Variants in JAKMIP1 observed in about 807,000 individuals in gnomAD.
The protein encoded by JAKMIP1 is janus kinase and microtubule-interacting protein 1.
Under a neutral mutation model 113.0 loss-of-function variants are expected in JAKMIP1, and 33 were observed. The observed-to-expected ratio is 0.29, with a 90% CI of 0.22 to 0.39. The LOEUF is 0.39. Ranked by LOEUF, JAKMIP1 falls within the 10% of genes least tolerant of loss-of-function variation. The probability of loss-of-function intolerance (pLI) is 1.00; values close to 1 mark genes in which losing one functional copy is unlikely to be tolerated. For missense variants in JAKMIP1, 813 were observed against 1,080.5 expected (o/e 0.75, Z 3.47); for synonymous variants, 480 against 459.9 (o/e 1.04, Z -0.56).
At chr4:6,053,931 T>C in intron 13 of JAKMIP1, 119 bp downstream of exon 13, 3 of 1,547,412 alleles carry the variant, frequency 1.9e-6, no homozygotes, top group Non-Finnish European at 2.6e-6. Context: ...AGAAAGAAAC[T>C]ATAACATGTC....
At position 6,115,572 on chromosome 4, in the gene JAKMIP1, G is replaced by A. The variant is rs1715620111; in HGVS notation, c.-147-2575C>T. Among the ~76,000 whole-genome samples, 4 of 152,182 alleles carry A rather than the reference G, an allele frequency of 2.6e-5. No individual in the cohort carries two copies. The South Asian group carries it at 6.2e-4, about 24-fold the overall frequency. On this transcript the variant is annotated intron_variant, in intron 1 of 20. Coordinates refer to ENST00000409021, the MANE Select transcript of JAKMIP1 (RefSeq NM_001099433.2). ...ACGGTGGAAAGGACATAGCAGCCAC[G>A]CCCCCAGGATACTGACAGGGACCAC...
chr4:6,162,857 C>T lies in JAKMIP1; in HGVS notation c.-148+37396G>A, dbSNP rs1723133554. Among the ~76,000 whole-genome samples the T allele has an allele frequency of 6.6e-6, 1 of 152,216 alleles. No individual in the cohort carries two copies. Among genetic ancestry groups the T allele is most frequent in the Non-Finnish European group, 1.5e-5 (1 of 68,036 alleles). On this transcript the variant is annotated intron_variant, in intron 1 of 20. Coordinates refer to ENST00000409021, the MANE Select transcript of JAKMIP1 (RefSeq NM_001099433.2). This position sits in a 1 kb window ranked among gnomAD's most constrained non-coding sequence, Gnocchi z 5.6. ...ACTCTCTTGAATCCAAAGCCACTCA[C>T]TGCCACTCCCTCCCATCACCAAAGA... is the stretch of plus-strand genomic sequence containing the variant.
intron 19 of JAKMIP1, among the ~76,000 whole-genome samples, chr4:6,030,606 C>T (rs1055073021): frequency 6.6e-6 from 1 of 152,234 alleles, no homozygotes; most frequent in Non-Finnish European, 1.5e-5. Context: ...GTGGGTACCC[C>T]TGGGGCAACT....
chr4:6,041,434 T>C (rs1188264447), intron 17 of JAKMIP1, among the ~76,000 whole-genome samples: 1 of 152,126 alleles, frequency 6.6e-6, no homozygotes, highest in African/African-American at 2.4e-5. Context: ...GCCACACTAG[T>C]CCTTCCACCT....
chr4:6,060,572 G>T, intron 10 of JAKMIP1, 65 bp from the exon 11 acceptor site: 2 of 1,226,782 alleles, frequency 1.6e-6, no homozygotes, highest in Admixed American at 1.7e-5. Context: ...AGCGGAAAGC[G>T]TCATGCCCCA....
intron 3 of JAKMIP1, among the ~76,000 whole-genome samples, chr4:6,103,887 A>G (rs1713481089): frequency 6.6e-6 from 1 of 152,132 alleles, no homozygotes; most frequent in Admixed American, 6.6e-5. Context: ...CTTTATCAAT[A>G]TTGCTAAATG....
Position 6,069,337 on chromosome 4 carries a change from T to C in JAKMIP1, c.1303-4329A>G, listed in dbSNP as rs1355399133. 1.3e-5 allele frequency among the ~76,000 whole-genome samples: 2 copies of C among 152,270 alleles called. No homozygotes were observed. Among genetic ancestry groups the C allele is most frequent in the East Asian group, 3.8e-4 (2 of 5,202 alleles). On this transcript the variant is annotated intron_variant, in intron 8 of 20. Transcript: ENST00000409021. This position sits in a 1 kb window ranked among gnomAD's most constrained non-coding sequence, Gnocchi z 4.5. ...ATTAGGAGCAAAAATGTCCACCATT[T>C]GCTCATTCTGAGCCCATCTACTGAA...
rs1390499110 is a variant in JAKMIP1 at position 6,158,624 on chromosome 4, C to G, written c.-148+41629G>C. Among the ~76,000 whole-genome samples, 1 of 152,072 alleles carries G rather than the reference C, an allele frequency of 6.6e-6. No individual in the cohort carries two copies. Among genetic ancestry groups the G allele is most frequent in the Non-Finnish European group, 1.5e-5 (1 of 68,036 alleles). ...TAGGGCCATTTCTCCACCCCCCACC[C>G]CCACCAGCCCCAGCTAGTAGTCATC... On this transcript the variant is annotated intron_variant, in intron 1 of 20. Transcript: ENST00000409021. The surrounding 1 kb of genome is among the most constrained non-coding windows in gnomAD (Gnocchi z 5.3).
At chr4:6,107,232 A>G (rs930752402) in intron 2 of JAKMIP1, among the ~76,000 whole-genome samples, 1 of 152,288 alleles carries the variant, frequency 6.6e-6, no homozygotes, top group East Asian at 1.9e-4. Context: ...TATGGACAAA[A>G]TGGTTTTGAC....
At chr4:6,166,885 A>G (rs1249586880) in intron 1 of JAKMIP1, among the ~76,000 whole-genome samples, 1 of 152,060 alleles carries the variant, frequency 6.6e-6, no homozygotes. Context: ...GATATTCCAT[A>G]TAGCCACCTC....
At chr4:6,166,700 C>G (rs140655809) in intron 1 of JAKMIP1, among the ~76,000 whole-genome samples, 14 of 152,224 alleles carry the variant, frequency 9.2e-5, no homozygotes, top group African/African-American at 3.4e-4. Context: ...AAAGGTAGAA[C>G]GAGCAGCACC....
In JAKMIP1 at chr4:6,176,124, G is replaced by C. The variant is rs887586760; in HGVS notation, c.-148+24129C>G. ...CTCCCCTGGAGTAGTCAGAGATCTA[G>C]TGAGAAGAAGGGACTACAAATCTCT... On this transcript the variant is annotated intron_variant, in intron 1 of 20. Transcript: ENST00000409021. The surrounding 1 kb of genome is among the most constrained non-coding windows in gnomAD (Gnocchi z 5.5). Among the ~76,000 whole-genome samples the C allele has an allele frequency of 6.6e-6, 1 of 152,212 alleles. No individual in the cohort carries two copies. Among genetic ancestry groups the C allele is most frequent in the African/African-American group, 2.4e-5 (1 of 41,452 alleles).
In JAKMIP1 at chr4:6,067,289, G is replaced by T. The variant is rs914548165; in HGVS notation, c.1303-2281C>A. ...TCTATCCACAAACAGATTTTGTTTT[G>T]CACATGACACCATTTCCATTCATTC... On this transcript the variant is annotated intron_variant, in intron 8 of 20. Coordinates refer to ENST00000409021, the MANE Select transcript of JAKMIP1 (RefSeq NM_001099433.2). The surrounding 1 kb of genome is among the most constrained non-coding windows in gnomAD (Gnocchi z 4.6). Among the ~76,000 whole-genome samples the T allele has an allele frequency of 6.6e-6, 1 of 152,170 alleles. No individual in the cohort carries two copies. Among genetic ancestry groups the T allele is most frequent in the Non-Finnish European group, 1.5e-5 (1 of 68,032 alleles).
In JAKMIP1 at chr4:6,051,457, T is replaced by C. The variant is rs948798340; in HGVS notation, c.1807-778A>G. Among the ~76,000 whole-genome samples, 3 of 152,260 alleles carry C rather than the reference T, an allele frequency of 2.0e-5. No homozygotes were observed. The East Asian group carries it at 5.8e-4, about 29-fold the overall frequency. On this transcript the variant is annotated intron_variant, in intron 13 of 20. Coordinates refer to ENST00000409021, the MANE Select transcript of JAKMIP1 (RefSeq NM_001099433.2). This position sits in a 1 kb window ranked among gnomAD's most constrained non-coding sequence, Gnocchi z 5.0. ...TTCACCATGTTGGCCAGGCTGGTCTTGAACTCCAGAGACCTCAGGTGATCC... is the reference window on the plus strand; with the variant it reads ...TTCACCATGTTGGCCAGGCTGGTCTCGAACTCCAGAGACCTCAGGTGATCC...
Position 6,193,433 on chromosome 4 carries a change from C to T in JAKMIP1, c.-148+6820G>A, listed in dbSNP as rs1427543552. On this transcript the variant is annotated intron_variant, in intron 1 of 20. Coordinates refer to ENST00000409021, the MANE Select transcript of JAKMIP1 (RefSeq NM_001099433.2). The surrounding 1 kb of genome is among the most constrained non-coding windows in gnomAD (Gnocchi z 6.4). The stretch of plus-strand genomic sequence containing the variant: ...GATTAGTTCTGTCTCTCTAGAGAAC[C>T]CTGACTAATACAGACGTGAGGGATG... 2.0e-5 allele frequency among the ~76,000 whole-genome samples: 3 copies of T among 152,138 alleles called. No individual in the cohort carries two copies. Among genetic ancestry groups the T allele is most frequent in the Non-Finnish European group, 4.4e-5 (3 of 68,028 alleles).
chr4:6,068,220 C>T (rs1232673342), intron 8 of JAKMIP1, among the ~76,000 whole-genome samples: 3 of 152,152 alleles, frequency 2.0e-5, no homozygotes, highest in African/African-American at 7.2e-5. Flanking sequence ...ACTCCCAAGC[C>T]CTAATACAGG....
intron 18 of JAKMIP1, among the ~76,000 whole-genome samples, chr4:6,039,206 C>A (rs1713975153): frequency 6.6e-6 from 1 of 152,194 alleles, no homozygotes; most frequent in African/African-American, 2.4e-5. Flanking sequence ...TCAGGCCTTC[C>A]TGAGTTGGTG....
At chr4:6,119,567 C>CAA (rs202156003) in intron 1 of JAKMIP1, among the ~76,000 whole-genome samples, 4 of 120,418 alleles carry the variant, frequency 3.3e-5, no homozygotes, top group Admixed American at 1.6e-4. Flanking sequence ...ACAACAACAA[C>CAA]AACAAAAAAA....
At position 6,167,921 on chromosome 4, in the gene JAKMIP1, G is replaced by C. The variant is rs1723855394; in HGVS notation, c.-148+32332C>G. Among the ~76,000 whole-genome samples the C allele has an allele frequency of 6.6e-6, 1 of 152,232 alleles. No individual in the cohort carries two copies. Among genetic ancestry groups the C allele is most frequent in the Admixed American group, 6.5e-5 (1 of 15,278 alleles). ...CTGACTGCGCCAGATCGCTGCACCA[G>C]TGAGACTTTGTCTCCCAGAGCTGAC... On this transcript the variant is annotated intron_variant, in intron 1 of 20. Transcript: ENST00000409021. This position sits in a 1 kb window ranked among gnomAD's most constrained non-coding sequence, Gnocchi z 5.3.
Sources: gnomAD v4.1 joint callset for allele counts (sites outside exome capture counted in the v4.1 genomes callset) on GRCh38, gnomAD v4.1.1 for gene constraint, Gnocchi (gnomAD v3.1) non-coding constraint, MANE v1.5 for transcripts, NCBI Gene and HGNC (gene_info 2026-07-23, HGNC 2026-07-21) for gene names.